CNTN1: variants seen among roughly 807,000 people sequenced by gnomAD.
The protein encoded by CNTN1 is contactin-1.
A neutral mutation model predicts 126.4 loss-of-function variants in CNTN1; 38 were observed. That is an observed-to-expected ratio of 0.30 (90% confidence interval 0.23 to 0.39). The LOEUF is 0.39. Ranked by LOEUF, CNTN1 falls within the 10% of genes least tolerant of loss-of-function variation. CNTN1 has a pLI of 1.00. For missense variants in CNTN1, 1,009 were observed against 1,248.4 expected, an observed-to-expected ratio of 0.81 and a Z score of 2.89; for synonymous variants, 413 against 422.6, an observed-to-expected ratio of 0.98 and a Z score of 0.28.
At chr12:40,988,981 TC>T (rs534376917) in intron 16 of CNTN1, among the ~76,000 whole-genome samples, 41 of 152,160 alleles carry the variant, frequency 2.7e-4, no homozygotes, top group Non-Finnish European at 5.0e-4. Context: ...AGTATTTGCC[TC>T]CATTATGCAA....
chr12:40,764,161 T>C (rs1209225507), intron 1 of CNTN1, among the ~76,000 whole-genome samples: 1 of 152,202 alleles, frequency 6.6e-6, no homozygotes, highest in African/African-American at 2.4e-5. Context: ...TGTGATTATT[T>C]ATTGAACCAT....
intron 17 of CNTN1, among the ~76,000 whole-genome samples, chr12:41,005,808 G>A (rs1410628373): frequency 6.6e-6 from 1 of 152,056 alleles, no homozygotes; most frequent in African/African-American, 2.4e-5. Context: ...TATTTTTTCT[G>A]TCAGTTCCTT....
chr12:40,841,882 G>A (rs2136584973), intron 1 of CNTN1, among the ~76,000 whole-genome samples: 1 of 152,126 alleles, frequency 6.6e-6, no homozygotes, highest in South Asian at 2.1e-4. Context: ...AAGGATGCCA[G>A]CTGTCATCAC....
chr12:40,715,977 G>C (rs1942036871), intron 1 of CNTN1, among the ~76,000 whole-genome samples: 1 of 151,998 alleles, frequency 6.6e-6, no homozygotes, highest in African/African-American at 2.4e-5. Context: ...GTTAAGGAGG[G>C]AGAGGTGCAG....
At chr12:40,965,190 A>G (rs1405343552) in intron 15 of CNTN1, among the ~76,000 whole-genome samples, 1 of 152,162 alleles carries the variant, frequency 6.6e-6, no homozygotes, top group East Asian at 1.9e-4. Flanking sequence ...TTGAAAATAC[A>G]ATTTTAAATG....
chr12:40,755,209 A>G (rs1592051660), intron 1 of CNTN1, among the ~76,000 whole-genome samples: 1 of 147,588 alleles, frequency 6.8e-6, no homozygotes, highest in Non-Finnish European at 1.5e-5. Flanking sequence ...AAAAAAAAAA[A>G]AAAAAAAAAA....
chr12:40,813,379 G>T (rs1364412281), intron 1 of CNTN1, among the ~76,000 whole-genome samples: 1 of 151,784 alleles, frequency 6.6e-6, no homozygotes, highest in African/African-American at 2.4e-5. Flanking sequence ...GGTATGTGTT[G>T]TTCCCCTCTT....
chr12:40,759,247 A>G (rs191742000), intron 1 of CNTN1, among the ~76,000 whole-genome samples: 1 of 152,080 alleles, frequency 6.6e-6, no homozygotes, highest in African/African-American at 2.4e-5. Context: ...CAGTTTCCCA[A>G]TAAGGTTTGT....
At position 40,872,680 on chromosome 12, in the gene CNTN1, C is replaced by A. The variant is rs1033250114; in HGVS notation, c.-76-35677C>A. Among the ~76,000 whole-genome samples, 10 of 145,828 alleles carry A rather than the reference C, an allele frequency of 6.9e-5. 1 individual carries two copies. In the South Asian group the frequency reaches 2.2e-3, roughly 31 times the overall value. On this transcript the variant is annotated intron_variant, in intron 1 of 23. Coordinates refer to ENST00000551295, the MANE Select transcript of CNTN1 (RefSeq NM_001843.4). The stretch of plus-strand genomic sequence containing the variant: ...CAGCCTCTTGGGTTCAAGCAATTCT[C>A]CTGCCTCAGCCTCCTGAGTAGCTGA...
chr12:40,884,430 AAC>A lies in CNTN1; in HGVS notation c.-76-23923_-76-23922del, dbSNP rs572334300. ...TTATCATATTGCTCTATTATATGTA[AAC>A]ACATCAAATTATTTAATCAGAATAG... On this transcript the variant is annotated intron_variant, in intron 1 of 23. Transcript: ENST00000551295. Among the ~76,000 whole-genome samples, 83 of 151,654 alleles carry A rather than the reference AAC, an allele frequency of 5.5e-4. 1 individual carries two copies. In the East Asian group the frequency reaches 0.015, roughly 27 times the overall value.
rs148418003 is a variant in CNTN1, at chr12:40,801,086, T to A, written c.-76-107271T>A. ...TCCTGGAAGAGACAAGTAGCACAGA[T>A]TTTTAGAGAGAATAATAATAATAAC... On this transcript the variant is annotated intron_variant, in intron 1 of 23. Coordinates refer to ENST00000551295, the MANE Select transcript of CNTN1 (RefSeq NM_001843.4). Among the ~76,000 whole-genome samples, 1,015 of 150,620 alleles carry A rather than the reference T, an allele frequency of 6.7e-3. 15 individuals carry two copies. Among genetic ancestry groups the A allele is most frequent in the Non-Finnish European group, 8.7e-3 (592 of 67,708 alleles).
rs575564030 is a variant in CNTN1, at chr12:41,057,089, TATAA to T, written c.2981-12866_2981-12863del. ...TAAATATTTAGATATTTATAAATAT[TATAA>T]ATATTTAGATATTTATAAATATTAT... is the stretch of plus-strand genomic sequence containing the variant. On this transcript the variant is annotated intron_variant, in intron 23 of 23. Coordinates refer to ENST00000551295, the MANE Select transcript of CNTN1 (RefSeq NM_001843.4). Among the ~76,000 whole-genome samples the T allele has an allele frequency of 5.4e-3, 647 of 120,764 alleles. 20 individuals carry two copies. Among genetic ancestry groups the T allele is most frequent in the Non-Finnish European group, 6.4e-3 (371 of 58,014 alleles). The allele number at this position is 120,764 out of a possible 152,430, so 79.2% of individuals were successfully genotyped here.
chr12:40,717,570 T>C (rs1229692882), intron 1 of CNTN1, among the ~76,000 whole-genome samples: 2 of 152,256 alleles, frequency 1.3e-5, no homozygotes, highest in Admixed American at 1.3e-4. Context: ...TCACCTGGTG[T>C]CAATATTTGT....
At chr12:40,861,792 A>G (rs1245922652) in intron 1 of CNTN1, among the ~76,000 whole-genome samples, 1 of 152,144 alleles carries the variant, frequency 6.6e-6, no homozygotes, top group African/African-American at 2.4e-5. Context: ...ATATTATGCC[A>G]CTTTCTATAT....
At chr12:40,775,590 G>C (rs944583241) in intron 1 of CNTN1, among the ~76,000 whole-genome samples, 1 of 151,260 alleles carries the variant, frequency 6.6e-6, no homozygotes, top group African/African-American at 2.4e-5. Context: ...TTGAGAAATC[G>C]TTTCTCCTAA....
chr12:41,062,750 C>G (rs951314897), intron 23 of CNTN1, among the ~76,000 whole-genome samples: 1 of 152,156 alleles, frequency 6.6e-6, no homozygotes, highest in African/African-American at 2.4e-5. Context: ...ATTAACCATA[C>G]AATAAAGTAG....
intron 23 of CNTN1, among the ~76,000 whole-genome samples, chr12:41,044,653 G>C (rs917841313): frequency 2.6e-5 from 4 of 152,032 alleles, no homozygotes; most frequent in African/African-American, 9.7e-5. Flanking sequence ...AAAGAATATT[G>C]CTGAAGGAAC....
intron 1 of CNTN1, among the ~76,000 whole-genome samples, chr12:40,849,300 A>T (rs2136611190): frequency 6.6e-6 from 1 of 152,244 alleles, no homozygotes; most frequent in East Asian, 1.9e-4. Context: ...ACAACAAGAA[A>T]ACCTACATAC....
chr12:40,773,619 T>C, intron 1 of CNTN1, among the ~76,000 whole-genome samples: 1 of 142,214 alleles, frequency 7.0e-6, no homozygotes, highest in African/African-American at 2.6e-5. Flanking sequence ...TTTTCTGACC[T>C]CTGACCAGAA....
Sources: gnomAD v4.1 joint callset for allele counts (sites outside exome capture counted in the v4.1 genomes callset) on GRCh38, gnomAD v4.1.1 for gene constraint, MANE v1.5 for transcripts, NCBI Gene and HGNC (gene_info 2026-07-23, HGNC 2026-07-21) for gene names.